GRK5: variants seen among roughly 807,000 people sequenced by gnomAD.
GRK5 encodes G protein-coupled receptor kinase 5.
Under a neutral mutation model 78.4 loss-of-function variants are expected in GRK5, and 40 were observed. The observed-to-expected ratio is 0.51, with a 90% CI of 0.40 to 0.66. The LOEUF is 0.66. GRK5 is among the 30% of genes least tolerant of loss of function. The pLI, the probability that GRK5 is intolerant of heterozygous loss-of-function variation, is 0.00. For synonymous variants in GRK5, 289 were observed against 296.8 expected, an observed-to-expected ratio of 0.97 and a Z score of 0.27; for missense variants, 598 against 759.9, an observed-to-expected ratio of 0.79 and a Z score of 2.50.
chr10:119,218,198 T>A (rs1475069785), intron 1 of GRK5, among the ~76,000 whole-genome samples: 1 of 151,706 alleles, frequency 6.6e-6, no homozygotes, highest in Non-Finnish European at 1.5e-5. Flanking sequence ...CAGTCAGACT[T>A]GAGATCCTGG....
chr10:119,396,554 C>A, intron 3 of GRK5, 141 bp from the exon 4 acceptor site: 1 of 674,654 alleles, frequency 1.5e-6, no homozygotes, highest in Non-Finnish European at 2.6e-6. Context: ...CCAGGTCTTC[C>A]CCCCCGGTTT....
At chr10:119,338,529 T>G (rs1850932208) in intron 2 of GRK5, among the ~76,000 whole-genome samples, 1 of 152,226 alleles carries the variant, frequency 6.6e-6, no homozygotes, top group East Asian at 1.9e-4. Flanking sequence ...TGTTTTCCCT[T>G]GTCATTAAAA....
In GRK5 at chr10:119,431,619, G is replaced by C; in HGVS notation, c.738+92G>C. The C allele has an allele frequency of 3.5e-6, 5 of 1,447,084 alleles. No individual in the cohort carries two copies. The East Asian group carries it at 1.2e-4, about 35-fold the overall frequency. The allele number at this position is 1,447,084 out of a possible 1,614,324, so 89.6% of individuals were successfully genotyped here. ...AAGGGCGTGGTCCTCTAATGCGGCC[G>C]GTCCCCACCCCTGGGAAGGGGAATG... On this transcript the variant is annotated intron_variant, in intron 8 of 15. Transcript: ENST00000392870. The surrounding 1 kb of genome is among the most constrained non-coding windows in gnomAD (Gnocchi z 4.8).
chr10:119,392,102 C>T (rs1220921643), intron 3 of GRK5, among the ~76,000 whole-genome samples: 1 of 152,182 alleles, frequency 6.6e-6, no homozygotes, highest in Non-Finnish European at 1.5e-5. Flanking sequence ...ACATATTTTT[C>T]CTGGCAGATT....
chr10:119,340,788 T>A (rs1318572162), intron 2 of GRK5, among the ~76,000 whole-genome samples: 1 of 152,210 alleles, frequency 6.6e-6, no homozygotes, highest in Non-Finnish European at 1.5e-5. Context: ...AAATGGGGAC[T>A]CAGTATTCCT....
chr10:119,394,518 G>GGTGT (rs147544020), intron 3 of GRK5, among the ~76,000 whole-genome samples: 2 of 11,154 alleles, frequency 1.8e-4, no homozygotes, highest in Non-Finnish European at 3.4e-4. Flanking sequence ...CGTGTGTGTG[G>GGTGT]GTGTGTGTGG....
At chr10:119,413,104 G>A (rs1158174736) in intron 4 of GRK5, among the ~76,000 whole-genome samples, 1 of 152,100 alleles carries the variant, frequency 6.6e-6, no homozygotes, top group African/African-American at 2.4e-5. Flanking sequence ...ATGAGGAGGA[G>A]GGCGTTCTCT....
intron 1 of GRK5, among the ~76,000 whole-genome samples, chr10:119,289,236 G>C (rs1381151375): frequency 6.6e-6 from 1 of 152,106 alleles, no homozygotes; most frequent in Non-Finnish European, 1.5e-5. Flanking sequence ...CTTCTCTGTG[G>C]CCCCTGCTCA....
At chr10:119,349,339 C>G (rs1012390266) in intron 2 of GRK5, among the ~76,000 whole-genome samples, 1 of 152,206 alleles carries the variant, frequency 6.6e-6, no homozygotes, top group East Asian at 1.9e-4. Context: ...CGTAGTGATG[C>G]TGTGTCCAGC....
intron 1 of GRK5, among the ~76,000 whole-genome samples, chr10:119,216,724 G>T (rs1471501193): frequency 2.6e-5 from 4 of 152,338 alleles, no homozygotes; most frequent in Admixed American, 6.5e-5. Context: ...AGGCCAAGGT[G>T]TGTGGATCAC....
intron 1 of GRK5, among the ~76,000 whole-genome samples, chr10:119,304,078 T>C (rs12256695): frequency 0.02 from 3,040 of 152,126 alleles, 81 homozygotes; most frequent in African/African-American, 0.071. Context: ...GTGCTGGGGA[T>C]GTTGGAAAAC....
At chr10:119,208,176 T>C (rs192816109) in intron 1 of GRK5, among the ~76,000 whole-genome samples, 187 of 152,352 alleles carry the variant, frequency 1.2e-3, no homozygotes, top group African/African-American at 4.3e-3. Context: ...GCTGAGAAGG[T>C]TGCAGGGATT....
At chr10:119,287,984 CT>C (rs1328773363) in intron 1 of GRK5, among the ~76,000 whole-genome samples, 1 of 152,232 alleles carries the variant, frequency 6.6e-6, no homozygotes, top group Non-Finnish European at 1.5e-5. Flanking sequence ...TAACCCTTTG[CT>C]TTTAGTTCCC....
intron 1 of GRK5, among the ~76,000 whole-genome samples, chr10:119,252,565 A>G (rs1051605474): frequency 6.6e-6 from 1 of 152,150 alleles, no homozygotes; most frequent in African/African-American, 2.4e-5. Context: ...GGGTAGCAGC[A>G]CGATCTTGTG....
rs978420022 is a variant in GRK5, at chr10:119,339,694, A to G, written c.148+13083A>G. 2.0e-5 allele frequency among the ~76,000 whole-genome samples: 3 copies of G among 152,210 alleles called. No homozygotes were observed. In the East Asian group the frequency reaches 5.8e-4, roughly 29 times the overall value. ...GGATCGCTTGAGCTCAGAGTTCAAG[A>G]TCAGCCTGGGCAACATGGCGAAACC... On this transcript the variant is annotated intron_variant, in intron 2 of 15. Coordinates refer to ENST00000392870, the MANE Select transcript of GRK5 (RefSeq NM_005308.3).
intron 12 of GRK5, among the ~76,000 whole-genome samples, chr10:119,443,982 C>T (rs1014160057): frequency 6.6e-6 from 1 of 152,026 alleles, no homozygotes; most frequent in Non-Finnish European, 1.5e-5. Context: ...ACCCAGGAAC[C>T]AAGGGAAGAG....
At chr10:119,343,681 G>A (rs1432666345) in intron 2 of GRK5, among the ~76,000 whole-genome samples, 3 of 152,200 alleles carry the variant, frequency 2.0e-5, no homozygotes, top group Non-Finnish European at 4.4e-5. Context: ...AGAAGGTCAG[G>A]GGAGGCTGGG....
chr10:119,261,316 A>G (rs1474129730), intron 1 of GRK5, among the ~76,000 whole-genome samples: 2 of 130,962 alleles, frequency 1.5e-5, no homozygotes, highest in East Asian at 2.3e-4. Context: ...CGGGGCAGAG[A>G]CGCTCCTCAC....
intron 6 of GRK5, among the ~76,000 whole-genome samples, chr10:119,429,645 AG>A (rs1852775610): frequency 6.6e-6 from 1 of 151,600 alleles, no homozygotes; most frequent in Admixed American, 6.6e-5. Context: ...TAAAACGAGG[AG>A]TTGGAAGACG....
Sources: gnomAD v4.1 joint callset for allele counts (sites outside exome capture counted in the v4.1 genomes callset) on GRCh38, gnomAD v4.1.1 for gene constraint, Gnocchi (gnomAD v3.1) non-coding constraint, MANE v1.5 for transcripts, NCBI Gene and HGNC (gene_info 2026-07-23, HGNC 2026-07-21) for gene names.